Variants in SMARCA4 observed in about 807,000 individuals in gnomAD.
SMARCA4 encodes SWI/SNF related BAF chromatin remodeling complex subunit ATPase 4.
SMARCA4 carries 31 observed loss-of-function variants against 193.9 expected under a neutral mutation model. The ratio of observed to expected loss-of-function variants is 0.16; its 90% CI spans 0.12 to 0.22. The LOEUF (loss-of-function observed/expected upper bound fraction) is 0.22, where lower values mean the gene tolerates loss of function less well. SMARCA4 is among the 10% of genes least tolerant of loss of function. SMARCA4 has a pLI of 1.00. For synonymous variants in SMARCA4, 942 were observed against 933.1 expected (o/e 1.01, Z -0.17); for missense variants, 1,148 against 2,296.0 (o/e 0.50, Z 10.22).
chr19:10,997,299 C>T lies in SMARCA4; in HGVS notation c.1812+755C>T, dbSNP rs183756579. 3.6e-3 allele frequency among the ~76,000 whole-genome samples: 549 copies of T among 152,058 alleles called. 7 individuals are homozygous for T. Among genetic ancestry groups the T allele is most frequent in the African/African-American group, 0.012 (510 of 41,474 alleles). On this transcript the variant is annotated intron_variant, in intron 11 of 34. Coordinates refer to ENST00000344626, the MANE Select transcript of SMARCA4 (RefSeq NM_003072.5). ...CTGCAAGCTCCGCCTCCTGGGTTCA[C>T]GCCATTCTCCTGCCTCAGCCTCCCG...
chr19:10,972,504 G>A (rs1216258500), intron 1 of SMARCA4, among the ~76,000 whole-genome samples: 1 of 151,988 alleles, frequency 6.6e-6, no homozygotes, highest in Admixed American at 6.6e-5. Context: ...GGTAGGAATT[G>A]TGTTGTTCTC....
chr19:10,974,518 T>C (rs967030184), intron 1 of SMARCA4, among the ~76,000 whole-genome samples: 1 of 150,034 alleles, frequency 6.7e-6, no homozygotes, highest in Non-Finnish European at 1.5e-5. Context: ...TAGATGGCTA[T>C]TGTAAAAAAT....
At chr19:10,995,402 T>C in intron 9 of SMARCA4, 1 of 464,814 alleles carries the variant, frequency 2.2e-6, no homozygotes, top group Non-Finnish European at 4.3e-6. Flanking sequence ...TGCTGCTCTG[T>C]GTACGGGGAC....
intron 13 of SMARCA4, among the ~76,000 whole-genome samples, chr19:11,005,436 A>G (rs913339093): frequency 1.3e-5 from 2 of 152,196 alleles, no homozygotes; most frequent in Admixed American, 1.3e-4. Context: ...GTTTGTGCTC[A>G]GACACGCGCC....
rs1060504460 is a variant in SMARCA4 at position 11,058,868 on chromosome 19, C to T, written c.4614C>T (p.Thr1538=). 6 of 1,613,894 alleles carry T rather than the reference C, an allele frequency of 3.7e-6. No individual in the cohort carries two copies. Among genetic ancestry groups the T allele is most frequent in the Admixed American group, 1.7e-5 (1 of 60,004 alleles). ...DVMLLCQNAQ[T]FNLEGSLIYE... is the part of the protein sequence containing the mutation. Reference sequence around the variant, plus strand: ...TGCTCCTGTGCCAGAACGCACAGACCTTCAACCTGGAGGGCTCCCTGGTGA... The same window carrying T: ...TGCTCCTGTGCCAGAACGCACAGACTTTCAACCTGGAGGGCTCCCTGGTGA... Residue 1538 remains threonine (T), a synonymous_variant, in exon 32 of 35, where the codon ACC becomes ACT. Transcript: ENST00000344626. This position sits in a 1 kb window ranked among gnomAD's most constrained non-coding sequence, Gnocchi z 5.8.
chr19:11,030,009 A>G lies in SMARCA4; in HGVS notation c.3383-721A>G, dbSNP rs2074809000. 6.6e-6 allele frequency among the ~76,000 whole-genome samples: 1 copy of G among 151,982 alleles called. No individual in the cohort carries two copies. The highest frequency in any genetic ancestry group is 1.5e-5 in the Non-Finnish European group (1 of 67,996). ...TTTATTTCATCACCAAAATGACTTCAGTGTTCAGGGGCACCTCTGTCCGAA... is the reference window on the plus strand; with the variant it reads ...TTTATTTCATCACCAAAATGACTTCGGTGTTCAGGGGCACCTCTGTCCGAA... On this transcript the variant is annotated intron_variant, in intron 24 of 34. Transcript: ENST00000344626. The surrounding 1 kb of genome is among the most constrained non-coding windows in gnomAD (Gnocchi z 5.5).
Position 11,030,626 on chromosome 19 carries a change from C to A in SMARCA4, c.3383-104C>A. 1 of 1,032,340 alleles carries A rather than the reference C, an allele frequency of 9.7e-7. No individual in the cohort carries two copies. Among genetic ancestry groups the A allele is most frequent in the Non-Finnish European group, 1.5e-6 (1 of 685,904 alleles). The allele number at this position is 1,032,340 out of a possible 1,614,324, so 63.9% of individuals were successfully genotyped here. A position where few individuals can be genotyped will look rare whatever the true frequency, so the allele number is the denominator to read the frequency against. On this transcript the variant is annotated intron_variant, in intron 24 of 34. Transcript: ENST00000344626. The surrounding 1 kb of genome is among the most constrained non-coding windows in gnomAD (Gnocchi z 5.5). ...GGAGCCAGGGATCTGGGGATGCTGG[C>A]AGGTGCTGATCCTGCTCCTGCTCTC... is the stretch of plus-strand genomic sequence containing the variant.
chr19:11,061,207 ATAT>A lies in SMARCA4; in HGVS notation c.4912-576_4912-574del, dbSNP rs1568568966. Among the ~76,000 whole-genome samples the A allele has an allele frequency of 4.8e-3, 182 of 37,876 alleles. 1 individual carries two copies. Among genetic ancestry groups the A allele is most frequent in the East Asian group, 0.016 (20 of 1,264 alleles). 24.8% of individuals were successfully genotyped at this position (37,876 alleles called of 152,430 possible). ...TGTCTTTAAAAAAAAAAAAAAAAATATATATATATATATATATATATATATATA... is the reference window on the plus strand; with the variant it reads ...TGTCTTTAAAAAAAAAAAAAAAAATAATATATATATATATATATATATATA... On this transcript the variant is annotated intron_variant, in intron 34 of 34. Coordinates refer to ENST00000344626, the MANE Select transcript of SMARCA4 (RefSeq NM_003072.5).
intron 30 of SMARCA4, among the ~76,000 whole-genome samples, chr19:11,048,495 G>A (rs926437182): frequency 1.3e-5 from 2 of 152,238 alleles, no homozygotes; most frequent in African/African-American, 4.8e-5. Flanking sequence ...ACTGGCATCT[G>A]TGTAGACCTG....
chr19:11,041,697 G>A lies in SMARCA4; in HGVS notation c.4424+137G>A. 2.7e-6 allele frequency: 2 copies of A among 749,036 alleles called. No homozygotes were observed. Among genetic ancestry groups the A allele is most frequent in the Non-Finnish European group, 2.2e-6 (1 of 461,614 alleles). The allele number at this position is 749,036 out of a possible 1,614,324, so 46.4% of individuals were successfully genotyped here. A position where few individuals can be genotyped will look rare whatever the true frequency, so the allele number is the denominator to read the frequency against. Reference sequence around the variant, plus strand: ...ATCCACAAACACTGACTGAATCTCTGTGTCTTTGAGCCTGGCCCTGAGGAA... The same window carrying A: ...ATCCACAAACACTGACTGAATCTCTATGTCTTTGAGCCTGGCCCTGAGGAA... On this transcript the variant is annotated intron_variant, in intron 30 of 34. Transcript: ENST00000344626. This position sits in a 1 kb window ranked among gnomAD's most constrained non-coding sequence, Gnocchi z 5.6.
At chr19:11,054,245 C>T (rs2076418322) in intron 30 of SMARCA4, among the ~76,000 whole-genome samples, 1 of 152,254 alleles carries the variant, frequency 6.6e-6, no homozygotes, top group African/African-American at 2.4e-5. Flanking sequence ...TCCACAGACA[C>T]TTGCTTCCTG....
chr19:11,033,914 G>C lies in SMARCA4; in HGVS notation c.3873+49G>C, dbSNP rs1225112455. On this transcript the variant is annotated intron_variant, in intron 27 of 34. Transcript: ENST00000344626. This position sits in a 1 kb window ranked among gnomAD's most constrained non-coding sequence, Gnocchi z 9.8. ...ATGCCCATTCAATCCTCGGCTTCTC[G>C]GCTGAGACGGCCAGCAAGGGCCCTG... 1.3e-6 allele frequency: 1 copy of C among 763,100 alleles called. No homozygotes were observed. Among genetic ancestry groups the C allele is most frequent in the Non-Finnish European group, 2.4e-6 (1 of 413,472 alleles). The allele number at this position is 763,100 out of a possible 1,614,324, so 47.3% of individuals were successfully genotyped here.
At chr19:10,975,783 A>G (rs1035847683) in intron 1 of SMARCA4, among the ~76,000 whole-genome samples, 4 of 152,126 alleles carry the variant, frequency 2.6e-5, no homozygotes, top group African/African-American at 9.7e-5. Flanking sequence ...AGTGTTTTAC[A>G]TCTTAGCTTT....
chr19:11,044,560 T>G (rs1246521183), intron 30 of SMARCA4, among the ~76,000 whole-genome samples: 2 of 151,936 alleles, frequency 1.3e-5, no homozygotes, highest in Non-Finnish European at 2.9e-5. Context: ...CATCACAACT[T>G]CAAGAAAATG....
chr19:10,982,344 T>C (rs761277248), intron 1 of SMARCA4, among the ~76,000 whole-genome samples: 2 of 151,728 alleles, frequency 1.3e-5, no homozygotes, highest in African/African-American at 2.4e-5. Flanking sequence ...CATGGTGGTG[T>C]GTGCTTGTAA....
chr19:11,013,864 A>C (rs2089098766), intron 16 of SMARCA4, among the ~76,000 whole-genome samples: 1 of 151,944 alleles, frequency 6.6e-6, no homozygotes, highest in Non-Finnish European at 1.5e-5. Context: ...AGAGGCTCTC[A>C]CTTGCCACTG....
intron 29 of SMARCA4, chr19:11,040,371 A>G (rs2075528749): frequency 6.6e-6 from 1 of 152,106 alleles, no homozygotes. Flanking sequence ...AGGCGGGCAG[A>G]TCACAAGGTC....
intron 16 of SMARCA4, among the ~76,000 whole-genome samples, chr19:11,016,258 GA>G (rs1285355234): frequency 6.6e-6 from 1 of 152,000 alleles, no homozygotes; most frequent in Non-Finnish European, 1.5e-5. Context: ...GGCCGTTCAC[GA>G]GGGTTCACGA....
chr19:11,060,259 C>T (rs939011054), intron 34 of SMARCA4, 72 bp downstream of exon 34: 2 of 1,527,180 alleles, frequency 1.3e-6, no homozygotes, highest in Non-Finnish European at 1.8e-6. Context: ...ATGGGACAGC[C>T]CTGTGGGGCG....
Sources: gnomAD v4.1 joint callset for allele counts (sites outside exome capture counted in the v4.1 genomes callset) on GRCh38, gnomAD v4.1.1 for gene constraint, Gnocchi (gnomAD v3.1) non-coding constraint, MANE v1.5 for transcripts, NCBI Gene and HGNC (gene_info 2026-07-23, HGNC 2026-07-21) for gene names.